Variants in PTPN14 observed in about 807,000 individuals in gnomAD.
PTPN14 encodes protein tyrosine phosphatase non-receptor type 14, also known as tyrosine-protein phosphatase non-receptor type 14.
Under a neutral mutation model 126.8 loss-of-function variants are expected in PTPN14, and 53 were observed. The observed-to-expected ratio is 0.42, with a 90% confidence interval of 0.34 to 0.53. The LOEUF is 0.53. Among genes scored for constraint, PTPN14 ranks in the 20% least tolerant of loss-of-function variants. PTPN14 has a pLI of 0.08. For synonymous variants in PTPN14, 630 were observed against 599.3 expected (o/e 1.05, Z -0.75); for missense variants, 1,257 against 1,552.9 (o/e 0.81, Z 3.20).
At chr1:214,485,909 G>A (rs1661100728) in intron 1 of PTPN14, among the ~76,000 whole-genome samples, 1 of 152,022 alleles carries the variant, frequency 6.6e-6, no homozygotes, top group African/African-American at 2.4e-5. Context: ...GTATTTTTTA[G>A]TAGAGACGGG....
intron 1 of PTPN14, among the ~76,000 whole-genome samples, chr1:214,465,951 C>CTTTCTTTTTTTTTTTTTTTTTT (rs1324868342): frequency 1.7e-5 from 1 of 59,024 alleles, no homozygotes; most frequent in African/African-American, 6.9e-5. Context: ...CAGTTACTTC[C>CTTTCTTTTTTTTTTTTTTTTTT]TTTTTTTTTT....
At chr1:214,427,626 G>T (rs1659698251) in intron 3 of PTPN14, among the ~76,000 whole-genome samples, 1 of 152,156 alleles carries the variant, frequency 6.6e-6, no homozygotes, top group African/African-American at 2.4e-5. Context: ...CTCTGCTCTT[G>T]CTCATGGAGC....
chr1:214,460,533 A>ACACACT (rs1660486897), intron 2 of PTPN14, among the ~76,000 whole-genome samples: 2 of 149,558 alleles, frequency 1.3e-5, no homozygotes, highest in East Asian at 3.9e-4. Context: ...CAACACACAC[A>ACACACT]CACACACACA....
intron 5 of PTPN14, among the ~76,000 whole-genome samples, chr1:214,405,361 C>A (rs1659140817): frequency 6.6e-6 from 1 of 152,170 alleles, no homozygotes; most frequent in Non-Finnish European, 1.5e-5. Context: ...CACCCTCTAT[C>A]AGAGTACAGG....
rs772097737 is a variant in PTPN14 at position 214,359,380 on chromosome 1, A to AT, written c.3436-1331dup. 5.5e-3 allele frequency among the ~76,000 whole-genome samples: 765 copies of AT among 139,122 alleles called. 5 individuals carry two copies. Among genetic ancestry groups the AT allele is most frequent in the African/African-American group, 0.011 (416 of 37,800 alleles). 91.3% of individuals were successfully genotyped at this position (139,122 alleles called of 152,430 possible). On this transcript the variant is annotated intron_variant, in intron 18 of 18. Coordinates refer to ENST00000366956, the MANE Select transcript of PTPN14 (RefSeq NM_005401.5). ...AGGCACGCACCACCATGCCTGGCTA[A>AT]TTTTTTTTTTTTTTTGTATTTTTAG... is the stretch of plus-strand genomic sequence containing the variant.
intron 1 of PTPN14, among the ~76,000 whole-genome samples, chr1:214,544,328 G>A (rs571798263): frequency 1.3e-5 from 2 of 152,122 alleles, no homozygotes; most frequent in African/African-American, 4.8e-5. Flanking sequence ...CTACTTGAGA[G>A]GCTGAGGTAG....
chr1:214,448,523 C>T (rs1389850778), intron 3 of PTPN14, among the ~76,000 whole-genome samples: 4 of 151,834 alleles, frequency 2.6e-5, no homozygotes, highest in Non-Finnish European at 5.9e-5. Context: ...GGATTACAGG[C>T]GTGAGCCACC....
At chr1:214,504,247 G>A (rs903439233) in intron 1 of PTPN14, among the ~76,000 whole-genome samples, 1 of 152,104 alleles carries the variant, frequency 6.6e-6, no homozygotes, top group Non-Finnish European at 1.5e-5. Context: ...ACCATAGGAA[G>A]GCGACCCACA....
At chr1:214,498,688 C>T (rs534120003) in intron 1 of PTPN14, among the ~76,000 whole-genome samples, 25 of 152,318 alleles carry the variant, frequency 1.6e-4, no homozygotes, top group Non-Finnish European at 2.9e-4. Flanking sequence ...ATAGTCTACA[C>T]GGCACCACAA....
At chr1:214,445,372 A>G (rs1232592458) in intron 3 of PTPN14, among the ~76,000 whole-genome samples, 1 of 152,184 alleles carries the variant, frequency 6.6e-6, no homozygotes, top group African/African-American at 2.4e-5. Flanking sequence ...CACTCTGTCA[A>G]TTCTGTAGAG....
At chr1:214,396,957 A>G (rs1658893353) in intron 8 of PTPN14, among the ~76,000 whole-genome samples, 1 of 152,228 alleles carries the variant, frequency 6.6e-6, no homozygotes, top group Non-Finnish European at 1.5e-5. Context: ...CAGTAAGTCC[A>G]AAAGTCAAAA....
At chr1:214,462,928 C>T (rs941495501) in intron 2 of PTPN14, among the ~76,000 whole-genome samples, 52 of 152,168 alleles carry the variant, frequency 3.4e-4, no homozygotes, top group African/African-American at 1.1e-3. Flanking sequence ...CAGCACTATA[C>T]ATTTTCCATA....
At chr1:214,425,939 T>C (rs1659652049) in intron 3 of PTPN14, among the ~76,000 whole-genome samples, 1 of 149,780 alleles carries the variant, frequency 6.7e-6, no homozygotes, top group Non-Finnish European at 1.5e-5. Context: ...ACTTGCCAAG[T>C]CTTCTGATTT....
chr1:214,466,593 G>C (rs1175809641), intron 1 of PTPN14, among the ~76,000 whole-genome samples: 1 of 152,100 alleles, frequency 6.6e-6, no homozygotes, highest in Non-Finnish European at 1.5e-5. Context: ...CTTGCTGGGA[G>C]GCTCATTAAA....
intron 11 of PTPN14, among the ~76,000 whole-genome samples, chr1:214,387,407 G>A (rs906905567): frequency 6.6e-6 from 1 of 152,124 alleles, no homozygotes; most frequent in Non-Finnish European, 1.5e-5. Context: ...AGCTACTCGC[G>A]AGCTGAGGCA....
At chr1:214,439,101 ATTGTT>A (rs1211935396) in intron 3 of PTPN14, among the ~76,000 whole-genome samples, 3 of 150,622 alleles carry the variant, frequency 2.0e-5, no homozygotes, top group African/African-American at 2.4e-5. Flanking sequence ...TGTTTTTTTT[ATTGTT>A]TTATTTCCAG....
chr1:214,378,095 T>C lies in PTPN14; in HGVS notation c.2552A>G (p.Glu851Gly). ...IEREMMIRNL[E>G]KQKMAGLEAQ... is the part of the protein sequence containing the mutation. ...CTCCAGGCCTGCCATCTTCTGCTTC[T>C]CTAGATTCTTGCGGCAAGAAAAGGC... is the stretch of plus-strand genomic sequence containing the variant. The change falls in exon 14 of 19, where the codon GAG becomes GGG. Residue 851 changes from glutamate (E) to glycine (G), a missense_variant. Glu to Gly is a moderately conservative substitution (Grantham distance 98). Around this residue, in one of 3 missense-constraint regions of PTPN14, gnomAD observed 1,021 missense variants for 1,183.3 expected, o/e 0.86. Transcript: ENST00000366956. 1 of 1,608,438 alleles carries C rather than the reference T, an allele frequency of 6.2e-7. No individual in the cohort carries two copies. Among genetic ancestry groups the C allele is most frequent in the Middle Eastern group, 1.7e-4 (1 of 6,022 alleles).
At chr1:214,492,726 G>A (rs1436490962) in intron 1 of PTPN14, among the ~76,000 whole-genome samples, 1 of 152,016 alleles carries the variant, frequency 6.6e-6, no homozygotes, top group Admixed American at 6.6e-5. Context: ...TGGCCAACAT[G>A]GCAAAACCCC....
At position 214,384,901 on chromosome 1, in the gene PTPN14, TC is replaced by T; in HGVS notation, c.1067-114del. 8.1e-7 allele frequency: 1 copy of T among 1,230,244 alleles called. No homozygotes were observed. Among genetic ancestry groups the T allele is most frequent in the Non-Finnish European group, 1.1e-6 (1 of 889,332 alleles). The allele number at this position is 1,230,244 out of a possible 1,614,324, so 76.2% of individuals were successfully genotyped here. On this transcript the variant is annotated intron_variant, in intron 12 of 18. Coordinates refer to ENST00000366956, the MANE Select transcript of PTPN14 (RefSeq NM_005401.5). The surrounding 1 kb of genome is among the most constrained non-coding windows in gnomAD (Gnocchi z 5.3). The stretch of plus-strand genomic sequence containing the variant: ...TTTAAACAAATCATAAAAAGTGAAA[TC>T]CCATGGTCTCCACCCACATGTTCTA...
Sources: gnomAD v4.1 joint callset for allele counts (sites outside exome capture counted in the v4.1 genomes callset) on GRCh38, gnomAD v4.1.1 for gene constraint, gnomAD v4.1.1 regional missense constraint, Gnocchi (gnomAD v3.1) non-coding constraint, MANE v1.5 for transcripts, NCBI Gene and HGNC (gene_info 2026-07-23, HGNC 2026-07-21) for gene names.